Variants in ERN1 observed in about 807,000 individuals in gnomAD.
ERN1 encodes endoplasmic reticulum to nucleus signaling 1, also known as serine/threonine-protein kinase/endoribonuclease IRE1.
ERN1 carries 39 observed loss-of-function variants against 113.1 expected under a neutral mutation model. The observed-to-expected ratio is 0.34, with a 90% CI of 0.27 to 0.45. The LOEUF (loss-of-function observed/expected upper bound fraction) is 0.45, where lower values mean the gene tolerates loss of function less well. Ranked by LOEUF, ERN1 falls within the 20% of genes least tolerant of loss-of-function variation. The pLI, the probability that ERN1 is intolerant of heterozygous loss-of-function variation, is 1.00. For missense variants in ERN1, 976 were observed against 1,274.8 expected (o/e 0.77, Z 3.57); for synonymous variants, 507 against 515.9 (o/e 0.98, Z 0.23).
Position 64,081,507 on chromosome 17 carries a change from A to G in ERN1, c.176-699T>C, listed in dbSNP as rs565915176. 6.6e-5 allele frequency among the ~76,000 whole-genome samples: 10 copies of G among 152,356 alleles called. No individual in the cohort carries two copies. In the South Asian group the frequency reaches 2.1e-3, roughly 32 times the overall value. On this transcript the variant is annotated intron_variant, in intron 2 of 21. Transcript: ENST00000433197. The stretch of plus-strand genomic sequence containing the variant: ...AAAAATTAAGGCTTCTAAGAGGGCT[A>G]ATAAAATTTTAAGACATATACAAAC...
At chr17:64,084,052 C>T (rs1913849179) in intron 2 of ERN1, among the ~76,000 whole-genome samples, 1 of 152,086 alleles carries the variant, frequency 6.6e-6, no homozygotes, top group African/African-American at 2.4e-5. Flanking sequence ...TAACTTCCAC[C>T]CTAACCACAG....
chr17:64,045,622 C>T, intron 19 of ERN1, 140 bp from the exon 20 acceptor site: 1 of 987,518 alleles, frequency 1.0e-6, no homozygotes, highest in Non-Finnish European at 1.5e-6. Context: ...CCCCTCCCTC[C>T]CTCATCCATG....
At chr17:64,048,537 A>C (rs1053116628) in intron 18 of ERN1, among the ~76,000 whole-genome samples, 1 of 152,212 alleles carries the variant, frequency 6.6e-6, no homozygotes, top group African/African-American at 2.4e-5. Context: ...TTTTTTCAAA[A>C]GGCAGCACTG....
intron 1 of ERN1, among the ~76,000 whole-genome samples, chr17:64,123,069 C>T (rs9916036): frequency 0.1 from 15,420 of 151,784 alleles, 1,075 homozygotes; most frequent in African/African-American, 0.2. Context: ...AAAGGTAGTA[C>T]TTTATTATCA....
intron 2 of ERN1, among the ~76,000 whole-genome samples, chr17:64,097,178 G>A (rs899834147): frequency 3.3e-5 from 5 of 152,338 alleles, no homozygotes; most frequent in African/African-American, 1.2e-4. Flanking sequence ...TCCAAGCAGG[G>A]CCCATGCAGG....
intron 1 of ERN1, among the ~76,000 whole-genome samples, chr17:64,104,995 CA>C (rs1014640649): frequency 4.8e-5 from 7 of 146,640 alleles, no homozygotes; most frequent in African/African-American, 1.3e-4. Context: ...CTTATCCCTG[CA>C]AAAAAAAAGG....
At position 64,066,803 on chromosome 17, in the gene ERN1, A is replaced by G; in HGVS notation, c.710T>C (p.Leu237Pro). The change falls in exon 8 of 22, where the codon CTG (leucine) becomes CCG (proline). Residue 237 changes from leucine to proline, a missense_variant. Leu to Pro is a moderately conservative substitution (Grantham distance 98). Around this residue, in one of 5 missense-constraint regions of ERN1, gnomAD observed 459 missense variants for 581.2 expected, o/e 0.79. Transcript: ENST00000433197. ...GACATTGATGTGCATCACCTTCCTC[A>G]GACCCTCCCGCTGCCAGACATAAAA... ...VAFYVWQREG[L>P]RKVMHINVAV... 1.2e-6 allele frequency: 2 copies of G among 1,613,970 alleles called. No individual in the cohort carries two copies. Among genetic ancestry groups the G allele is most frequent in the African/African-American group, 2.7e-5 (2 of 75,048 alleles).
rs550006577 is a variant in ERN1 at position 64,063,152 on chromosome 17, T to C, written c.1087+834A>G. 5.4e-3 allele frequency among the ~76,000 whole-genome samples: 820 copies of C among 152,370 alleles called. 8 individuals are homozygous for C. Among genetic ancestry groups the C allele is most frequent in the Non-Finnish European group, 6.9e-3 (467 of 68,038 alleles). On this transcript the variant is annotated intron_variant, in intron 10 of 21. Transcript: ENST00000433197. The surrounding 1 kb of genome is among the most constrained non-coding windows in gnomAD (Gnocchi z 5.1). Reference sequence around the variant, plus strand: ...AGAGAGAAGAAACTGCACCGGCCCCTGGGTGCTCCAGCACCCGACTGACCT... The same window carrying C: ...AGAGAGAAGAAACTGCACCGGCCCCCGGGTGCTCCAGCACCCGACTGACCT...
chr17:64,053,469 GTT>G, intron 15 of ERN1, 98 bp from the exon 16 acceptor site: 1 of 720,046 alleles, frequency 1.4e-6, no homozygotes. Flanking sequence ...GAAATGGCAA[GTT>G]TTACTGACAA....
chr17:64,071,338 A>AGAG (rs898264337), intron 6 of ERN1, among the ~76,000 whole-genome samples: 1 of 152,186 alleles, frequency 6.6e-6, no homozygotes, highest in Non-Finnish European at 1.5e-5. Context: ...TACCTGGTGG[A>AGAG]GAGGACCACA....
At chr17:64,114,513 T>A (rs1259839658) in intron 1 of ERN1, among the ~76,000 whole-genome samples, 1 of 152,168 alleles carries the variant, frequency 6.6e-6, no homozygotes, top group Non-Finnish European at 1.5e-5. Context: ...GAATTTGTTG[T>A]GTTTGAGGAC....
chr17:64,050,591 C>T (rs1912652858), intron 17 of ERN1, among the ~76,000 whole-genome samples: 1 of 152,098 alleles, frequency 6.6e-6, no homozygotes, highest in South Asian at 2.1e-4. Context: ...AAAAACCAGG[C>T]TTCTGCTCTC....
Position 64,130,080 on chromosome 17 carries a change from G to T in ERN1, c.-51C>A. 1 of 1,324,736 alleles carries T rather than the reference G, an allele frequency of 7.5e-7. No homozygotes were observed. The highest frequency in any genetic ancestry group is 9.6e-7 in the Non-Finnish European group (1 of 1,039,134). The allele number at this position is 1,324,736 out of a possible 1,614,324, so 82.1% of individuals were successfully genotyped here. On this transcript the variant is annotated 5_prime_UTR_variant, in exon 1 of 22. Coordinates refer to ENST00000433197, the MANE Select transcript of ERN1 (RefSeq NM_001433.5). The surrounding 1 kb of genome is among the most constrained non-coding windows in gnomAD (Gnocchi z 4.0). ...GGGCGGTACGGACAGAGGACGGGGC[G>T]GGGGCGCCGCGACGACAGCGAGGCG...
At chr17:64,056,047 A>G in intron 12 of ERN1, 99 bp from the exon 13 acceptor site, 1 of 1,444,408 alleles carries the variant, frequency 6.9e-7, no homozygotes, top group Non-Finnish European at 9.1e-7. Flanking sequence ...GAGCATGTGT[A>G]CTTTATGTGA....
In ERN1 at chr17:64,066,436, C is replaced by G. The variant is rs185865542; in HGVS notation, c.842+235G>C. On this transcript the variant is annotated intron_variant, in intron 8 of 21. Coordinates refer to ENST00000433197, the MANE Select transcript of ERN1 (RefSeq NM_001433.5). ...AATTACAGGTGTATGCCATGGTGCC[C>G]GACACCTCCCATCCATGATTTTTAT... 3.9e-5 allele frequency among the ~76,000 whole-genome samples: 6 copies of G among 152,164 alleles called. No individual in the cohort carries two copies. In the East Asian group the frequency reaches 7.7e-4, roughly 20 times the overall value.
intron 1 of ERN1, among the ~76,000 whole-genome samples, chr17:64,119,384 T>G (rs1398011000): frequency 8.2e-6 from 1 of 122,692 alleles, no homozygotes; most frequent in African/African-American, 4.2e-5. Flanking sequence ...AGGTTTTTTT[T>G]TTTTTTTTTT....
At chr17:64,106,405 T>C (rs1433211302) in intron 1 of ERN1, among the ~76,000 whole-genome samples, 1 of 152,162 alleles carries the variant, frequency 6.6e-6, no homozygotes. Context: ...AATTAGAGCT[T>C]ATAATTATTA....
At chr17:64,053,123 T>C in intron 16 of ERN1, 144 bp from the exon 17 acceptor site, 1 of 926,698 alleles carries the variant, frequency 1.1e-6, no homozygotes, top group Non-Finnish European at 1.6e-6. Context: ...GGATTCCTCC[T>C]CAAATTCTTA....
At chr17:64,058,811 A>G (rs1339026689) in intron 11 of ERN1, among the ~76,000 whole-genome samples, 1 of 152,010 alleles carries the variant, frequency 6.6e-6, no homozygotes, top group East Asian at 1.9e-4. Context: ...CTCCCCCCAG[A>G]TGGCTGCCTA....
Sources: allele counts gnomAD v4.1 joint callset (sites outside exome capture counted in the v4.1 genomes callset), GRCh38; gene constraint gnomAD v4.1.1; regional missense constraint gnomAD v4.1.1; non-coding constraint Gnocchi (gnomAD v3.1); transcripts MANE v1.5; gene names NCBI Gene and HGNC (gene_info 2026-07-23, HGNC 2026-07-21).